USP20: variants seen among roughly 807,000 people sequenced by gnomAD.
USP20 encodes ubiquitin carboxyl-terminal hydrolase 20.
In USP20, 80 loss-of-function variants were observed where a neutral mutation model predicts 124.2. That is an observed-to-expected ratio of 0.64 (90% confidence interval 0.54 to 0.78). The LOEUF (loss-of-function observed/expected upper bound fraction) is 0.78, where lower values mean the gene tolerates loss of function less well. USP20 is among the 30% of genes least tolerant of loss of function. The pLI, the probability that USP20 is intolerant of heterozygous loss-of-function variation, is 0.00. For missense variants in USP20, 1,043 were observed against 1,244.4 expected (o/e 0.84, Z 2.44); for synonymous variants, 481 against 512.3 (o/e 0.94, Z 0.83).
At chr9:129,863,443 C>T (rs1209494091) in intron 9 of USP20, 144 bp downstream of exon 9, 43 of 597,624 alleles carry the variant, frequency 7.2e-5, no homozygotes, top group Non-Finnish European at 9.2e-5. Context: ...AGCAAGCCTG[C>T]GGGGTGGAAA....
chr9:129,868,222 G>A lies in USP20; in HGVS notation c.908G>A (p.Gly303Asp). The A allele has an allele frequency of 6.2e-7, 1 of 1,613,900 alleles. No homozygotes were observed. Among genetic ancestry groups the A allele is most frequent in the Non-Finnish European group, 8.5e-7 (1 of 1,179,894 alleles). ...GEGDGQGRGG[G>D]SSQAETELLI... ...GGTGACGGGCAGGGGCGTGGCGGGGGCAGCTCGCAGGCCGAGACGGAGCTG... is the reference window on the plus strand; with the variant it reads ...GGTGACGGGCAGGGGCGTGGCGGGGACAGCTCGCAGGCCGAGACGGAGCTG... Residue 303 changes from glycine (G) to aspartate (D), a missense_variant, in exon 11 of 26, where the codon GGC becomes GAC. Physicochemically the swap from Gly to Asp is moderately conservative, Grantham distance 94. Transcript: ENST00000372429.
chr9:129,875,807 G>T (rs1190878579), intron 21 of USP20, among the ~76,000 whole-genome samples, 166 bp downstream of exon 21: 1 of 101,686 alleles, frequency 9.8e-6, no homozygotes, highest in Non-Finnish European at 2.1e-5. Context: ...AATGACACAT[G>T]TCGTTTGTGG....
intron 3 of USP20, among the ~76,000 whole-genome samples, 154 bp from the exon 4 acceptor site, chr9:129,856,153 C>G (rs1172791101): frequency 1.3e-5 from 2 of 152,264 alleles, no homozygotes; most frequent in African/African-American, 2.4e-5. Flanking sequence ...GACAGGAAGT[C>G]TGGCGAAGGC....
Position 129,869,712 on chromosome 9 carries a change from C to T in USP20, c.1433C>T (p.Pro478Leu). Residue 478 changes from proline (P) to leucine (L), a missense_variant, in exon 14 of 26, where the codon CCC becomes CTC. Transcript: ENST00000372429. ...TVETFQDLSLPIPGKEDLAKL... is the reference protein window; with the variant it reads ...TVETFQDLSLLIPGKEDLAKL... ...GAAACGTTCCAGGACTTATCACTGC[C>T]CATTCCTGGAAAGGAGGACCTGGCC... 2 of 1,614,104 alleles carry T rather than the reference C, an allele frequency of 1.2e-6. No homozygotes were observed. Among genetic ancestry groups the T allele is most frequent in the East Asian group, 2.2e-5 (1 of 44,880 alleles).
chr9:129,876,866 T>C (rs1468853134), intron 22 of USP20, among the ~76,000 whole-genome samples: 6 of 152,050 alleles, frequency 3.9e-5, no homozygotes, highest in Non-Finnish European at 8.8e-5. Flanking sequence ...CTGTGCATTG[T>C]AGGATGTTTA....
rs374930544 is a variant in USP20, at chr9:129,874,608, C to T, written c.1773C>T (p.His591=). 6.2e-6 allele frequency: 10 copies of T among 1,613,672 alleles called. No individual in the cohort carries two copies. The African/African-American group carries it at 6.7e-5, about 11-fold the overall frequency. The part of the protein sequence containing the change: ...ILCIHLKRFR[H]EVMYSFKINS... ...GCATTCACCTAAAGCGCTTTCGGCA[C>T]GAGGTGATGTACTCATTCAAGATCA... Residue 591 remains histidine (H), a synonymous_variant, in exon 18 of 26, where the codon CAC becomes CAT. Transcript: ENST00000372429.
At chr9:129,872,410 C>T (rs2034170317) in intron 15 of USP20, among the ~76,000 whole-genome samples, 1 of 152,174 alleles carries the variant, frequency 6.6e-6, no homozygotes, top group Non-Finnish European at 1.5e-5. Flanking sequence ...GCCTTGGCCT[C>T]CCAAAGTGCT....
At chr9:129,870,654 C>A in intron 15 of USP20, 107 bp downstream of exon 15, 1 of 1,264,888 alleles carries the variant, frequency 7.9e-7, no homozygotes. Context: ...GGATGCACAG[C>A]CAGGCTAGAC....
intron 1 of USP20, among the ~76,000 whole-genome samples, chr9:129,845,000 C>T (rs889996831): frequency 2.0e-5 from 3 of 151,938 alleles, no homozygotes; most frequent in Admixed American, 6.6e-5. Context: ...TTGGGCAACA[C>T]GGCAAAACCC....
chr9:129,844,063 T>C (rs755332599), intron 1 of USP20, among the ~76,000 whole-genome samples: 5 of 151,784 alleles, frequency 3.3e-5, no homozygotes, highest in Non-Finnish European at 7.4e-5. Flanking sequence ...TTGAGACTTG[T>C]CTTTAAGCAA....
chr9:129,836,817 T>C (rs1165938550), intron 1 of USP20, among the ~76,000 whole-genome samples: 2 of 152,186 alleles, frequency 1.3e-5, no homozygotes, highest in Non-Finnish European at 2.9e-5. Context: ...GTGCACTCAC[T>C]GGATACGGAG....
At chr9:129,856,077 T>A (rs1468888295) in intron 3 of USP20, among the ~76,000 whole-genome samples, 1 of 152,230 alleles carries the variant, frequency 6.6e-6, no homozygotes, top group East Asian at 1.9e-4. Flanking sequence ...TTTGAAAATG[T>A]TTTTACAGGC....
At chr9:129,870,245 C>T (rs923213076) in intron 14 of USP20, 2 of 594,940 alleles carry the variant, frequency 3.4e-6, no homozygotes, top group Non-Finnish European at 6.0e-6. Flanking sequence ...TGAAGGAGGC[C>T]AGGCTTGCGG....
chr9:129,843,247 T>TG (rs1359413087), intron 1 of USP20, among the ~76,000 whole-genome samples: 1 of 151,934 alleles, frequency 6.6e-6, no homozygotes, highest in Non-Finnish European at 1.5e-5. Flanking sequence ...CTGGCCAACG[T>TG]GGTGAAACCT....
intron 4 of USP20, among the ~76,000 whole-genome samples, chr9:129,856,598 A>G (rs7862118): frequency 0.88 from 133,603 of 152,296 alleles, 58,997 homozygotes; most frequent in East Asian, 1. Context: ...AGAAGGCTCT[A>G]GACTGAAGGC....
chr9:129,869,780 G>A lies in USP20; in HGVS notation c.1501G>A (p.Gly501Ser). ...CTACCAGAATGTGCCGGCCAAGCCAGGCGCCTGTGGGGACAGCTATGCCGC... is the reference window on the plus strand; with the variant it reads ...CTACCAGAATGTGCCGGCCAAGCCAAGCGCCTGTGGGGACAGCTATGCCGC... The part of the protein sequence containing the change: ...AIYQNVPAKP[G>S]ACGDSYAAQG... Residue 501 changes from glycine to serine, a missense_variant, in exon 14 of 26, where the codon GGC becomes AGC. By Grantham distance (56) the Gly-to-Ser change is moderately conservative. Transcript: ENST00000372429. 1 of 1,614,052 alleles carries A rather than the reference G, an allele frequency of 6.2e-7. No individual in the cohort carries two copies. The highest frequency in any genetic ancestry group is 1.6e-4 in the Middle Eastern group (1 of 6,062).
chr9:129,852,123 C>T (rs2032954473), intron 2 of USP20, among the ~76,000 whole-genome samples: 2 of 152,200 alleles, frequency 1.3e-5, no homozygotes, highest in Non-Finnish European at 1.5e-5. Context: ...TACACTGCCG[C>T]CTTCTCTGCC....
intron 1 of USP20, among the ~76,000 whole-genome samples, chr9:129,838,908 A>T (rs1427003993): frequency 6.6e-6 from 1 of 152,228 alleles, no homozygotes; most frequent in Non-Finnish European, 1.5e-5. Flanking sequence ...AAAGGGTAGT[A>T]GCAGGCTTTG....
In USP20 at chr9:129,881,374, G is replaced by A. The variant is rs1424028429; in HGVS notation, c.*924G>A. On this transcript the variant is annotated 3_prime_UTR_variant, in exon 26 of 26. Transcript: ENST00000372429. ...GCGCTCAGGTGGATCCTGGGAAGCAGCCTCTGGATGCTGAGTGGAGGGAGC... is the reference window on the plus strand; with the variant it reads ...GCGCTCAGGTGGATCCTGGGAAGCAACCTCTGGATGCTGAGTGGAGGGAGC... The A allele has an allele frequency of 6.6e-6, 1 of 152,316 alleles. No individual in the cohort carries two copies. The highest frequency in any genetic ancestry group is 1.5e-5 in the Non-Finnish European group (1 of 68,100). The allele number at this position is 152,316 out of a possible 1,614,324, so 9.4% of individuals were successfully genotyped here.
Sources: gnomAD v4.1 joint callset for allele counts (sites outside exome capture counted in the v4.1 genomes callset) on GRCh38, gnomAD v4.1.1 for gene constraint, MANE v1.5 for transcripts, NCBI Gene and HGNC (gene_info 2026-07-23, HGNC 2026-07-21) for gene names.